The following ABCB7 variants were observed in gnomAD, a reference collection of about 807,000 sequenced individuals.
The protein encoded by ABCB7 is iron-sulfur clusters transporter ABCB7, mitochondrial.
In ABCB7, 7 loss-of-function variants were observed where a neutral mutation model predicts 54.4. The observed-to-expected ratio is 0.13, with a 90% confidence interval of 0.07 to 0.24. The LOEUF (loss-of-function observed/expected upper bound fraction) is 0.24, where lower values mean the gene tolerates loss of function less well. ABCB7 is among the 10% of genes least tolerant of loss of function. The pLI is 1.00. For missense variants in ABCB7, 356 were observed against 570.4 expected, an observed-to-expected ratio of 0.62 and a Z score of 3.83; for synonymous variants, 218 against 207.1, an observed-to-expected ratio of 1.05 and a Z score of -0.45.
chrX:75,156,047 T>C (rs2082172963), intron 1 of ABCB7, 58 bp downstream of exon 1: 2 of 1,180,147 alleles, frequency 1.7e-6, no homozygotes, highest in Non-Finnish European at 2.3e-6. Flanking sequence ...GAGGGCAACC[T>C]TTTCCCTACA....
At chrX:75,064,861 G>A (rs768925696) in intron 13 of ABCB7, among the ~76,000 whole-genome samples, 1 of 103,658 alleles carries the variant, frequency 9.6e-6, no homozygotes, top group African/African-American at 3.5e-5. Context: ...AGCTGCAAGT[G>A]AAAAAAAAAA....
intron 8 of ABCB7, among the ~76,000 whole-genome samples, chrX:75,072,670 T>C (rs1470893260): frequency 9.0e-6 from 1 of 111,344 alleles, no homozygotes; most frequent in Non-Finnish European, 1.9e-5. Flanking sequence ...TGAGTGAATA[T>C]GAAGGCCTCG....
At chrX:75,057,328 C>CT (rs1051210342) in intron 15 of ABCB7, among the ~76,000 whole-genome samples, 20 of 103,587 alleles carry the variant, frequency 1.9e-4, no homozygotes, top group African/African-American at 2.8e-4. Flanking sequence ...TTGTATCTTA[C>CT]TTTTTTTTTT....
In ABCB7 at chrX:75,051,613, A is replaced by G. The variant is rs913184483; in HGVS notation, c.*1757T>C. The stretch of plus-strand genomic sequence containing the variant: ...AGCAGGTAAAACTTTTTTTCCTCCC[A>G]AGGTAAAACTTGATTATGTTGTTTG... On this transcript the variant is annotated 3_prime_UTR_variant, in exon 16 of 16. Coordinates refer to ENST00000373394, the MANE Select transcript of ABCB7 (RefSeq NM_001271696.3). 2 of 112,075 alleles carry G rather than the reference A, an allele frequency of 1.8e-5. No homozygotes were observed. Among genetic ancestry groups the G allele is most frequent in the African/African-American group, 6.5e-5 (2 of 30,906 alleles). 9.2% of individuals were successfully genotyped at this position (112,075 alleles called of 1,213,427 possible). A position where few individuals can be genotyped will look rare whatever the true frequency, so the allele number is the denominator to read the frequency against.
At chrX:75,120,734 C>G (rs2081870841) in intron 1 of ABCB7, among the ~76,000 whole-genome samples, 1 of 111,492 alleles carries the variant, frequency 9.0e-6, no homozygotes, top group African/African-American at 3.3e-5. Flanking sequence ...ACTTGACTTA[C>G]AGAGTCAATA....
In ABCB7 at chrX:75,098,865, A is replaced by T. The variant is rs768808795; in HGVS notation, c.453+77T>A. The T allele has an allele frequency of 1.9e-5, 22 of 1,183,089 alleles. No homozygotes were observed. In the Admixed American group the frequency reaches 4.2e-4, roughly 22 times the overall value. On this transcript the variant is annotated intron_variant, in intron 4 of 15. Coordinates refer to ENST00000373394, the MANE Select transcript of ABCB7 (RefSeq NM_001271696.3). ...GGTCATGCTACCCCAAAAGTGATTT[A>T]CACCAGGCCCAGGATTCATAACTAG...
intron 4 of ABCB7, among the ~76,000 whole-genome samples, chrX:75,084,178 G>A (rs138136239): frequency 0.016 from 1,794 of 111,648 alleles, 19 homozygotes; most frequent in Non-Finnish European, 0.024. Flanking sequence ...AGTTTCTGGA[G>A]GGAGCACAGC....
At chrX:75,151,413 C>A (rs994601824) in intron 1 of ABCB7, among the ~76,000 whole-genome samples, 2 of 111,458 alleles carry the variant, frequency 1.8e-5, no homozygotes, top group Non-Finnish European at 3.8e-5. Flanking sequence ...ATTTCGGAAC[C>A]TAGCTTACTT....
intron 12 of ABCB7, among the ~76,000 whole-genome samples, chrX:75,068,259 A>T (rs2081337713): frequency 9.0e-6 from 1 of 111,204 alleles, no homozygotes; most frequent in Admixed American, 9.6e-5. Flanking sequence ...ATTTTGATCC[A>T]TTCTCCCAGG....
At chrX:75,093,968 TACTCTCCTACAGCTTCATTTG>T (rs923450024) in intron 4 of ABCB7, among the ~76,000 whole-genome samples, 1 of 103,037 alleles carries the variant, frequency 9.7e-6, no homozygotes, top group Non-Finnish European at 1.9e-5. Flanking sequence ...TAATTGTTGG[TACTCTCCTACAGCTTCATTTG>T]TCTCTCCTTT....
At chrX:75,098,505 T>C (rs1220997856) in intron 4 of ABCB7, among the ~76,000 whole-genome samples, 1 of 111,190 alleles carries the variant, frequency 9.0e-6, no homozygotes, top group Admixed American at 9.6e-5. Flanking sequence ...GTTTTGTTTT[T>C]TTAGCTTTTC....
At chrX:75,072,926 AT>A (rs59106503) in intron 8 of ABCB7, among the ~76,000 whole-genome samples, 1,414 of 102,621 alleles carry the variant, frequency 0.014, 24 homozygotes, top group African/African-American at 0.044. Context: ...TTTCTATTTA[AT>A]TTTTTTTTTT....
chrX:75,113,795 G>A (rs989174892), intron 2 of ABCB7, among the ~76,000 whole-genome samples: 1 of 112,200 alleles, frequency 8.9e-6, no homozygotes, highest in Non-Finnish European at 1.9e-5. Context: ...AAAGCAAAAA[G>A]TGCCTTCTTG....
In ABCB7 at chrX:75,070,426, C is replaced by T. The variant is rs1236098249; in HGVS notation, c.1304G>A (p.Arg435Lys). 1 of 1,209,294 alleles carries T rather than the reference C, an allele frequency of 8.3e-7. No individual in the cohort carries two copies. The highest frequency in any genetic ancestry group is 1.1e-6 in the Non-Finnish European group (1 of 893,946). Reference protein sequence around the residue: ...NFLGTVYRETRQALIDMNTLF... With the variant: ...NFLGTVYRETKQALIDMNTLF... ...GGTGTTCATATCTATGAGTGCTTGT[C>T]TAGTCTCTCTATATACAGTTCCCAG... The change falls in exon 10 of 16, where the codon AGA (arginine) becomes AAA (lysine). Residue 435 changes from arginine (R) to lysine (K), a missense_variant. Physicochemically the swap from Arg to Lys is conservative, Grantham distance 26. Coordinates refer to ENST00000373394, the MANE Select transcript of ABCB7 (RefSeq NM_001271696.3).
chrX:75,064,196 A>G (rs1489170634), intron 13 of ABCB7, among the ~76,000 whole-genome samples: 1 of 112,060 alleles, frequency 8.9e-6, no homozygotes, highest in Non-Finnish European at 1.9e-5. Flanking sequence ...CAATTCCTGA[A>G]TAACAGGCCT....
intron 4 of ABCB7, among the ~76,000 whole-genome samples, chrX:75,092,025 C>T (rs1340068770): frequency 9.0e-6 from 1 of 110,965 alleles, no homozygotes; most frequent in Non-Finnish European, 1.9e-5. Context: ...TTCAATGTGA[C>T]CCCAATCAAA....
chrX:75,104,047 G>GTTTTTTTGTTTTTTTTTTTTT (rs2081663659), intron 3 of ABCB7, among the ~76,000 whole-genome samples: 20 of 13,444 alleles, frequency 1.5e-3, no homozygotes, highest in Non-Finnish European at 2.8e-3. Flanking sequence ...TCTTGTTACA[G>GTTTTTTTGTTTTTTTTTTTTT]TTTTTTTTTT....
chrX:75,090,582 A>AC (rs2081536103), intron 4 of ABCB7, among the ~76,000 whole-genome samples: 2 of 109,413 alleles, frequency 1.8e-5, no homozygotes, highest in African/African-American at 6.6e-5. Context: ...GGAAAATAGA[A>AC]AAAAAAAAGC....
intron 1 of ABCB7, among the ~76,000 whole-genome samples, chrX:75,150,684 G>A (rs557665165): frequency 2.2e-4 from 25 of 111,183 alleles, no homozygotes; most frequent in African/African-American, 3.6e-4. Context: ...CATAAGAATC[G>A]TATACAGAAT....
Sources: allele counts gnomAD v4.1 joint callset (sites outside exome capture counted in the v4.1 genomes callset), GRCh38; gene constraint gnomAD v4.1.1; transcripts MANE v1.5; gene names NCBI Gene and HGNC (gene_info 2026-07-23, HGNC 2026-07-21).